The following RBM20 variants were observed in gnomAD, a reference collection of about 807,000 sequenced individuals.
The protein encoded by RBM20 is RNA-binding protein 20.
A neutral mutation model predicts 110.1 loss-of-function variants in RBM20; 51 were observed. That is an observed-to-expected ratio of 0.46 (90% CI 0.37 to 0.59). RBM20 has a LOEUF of 0.59. RBM20 is among the 20% of genes least tolerant of loss of function. RBM20 has a pLI of 0.00. For missense variants in RBM20, 1,512 were observed against 1,574.9 expected, an observed-to-expected ratio of 0.96 and a Z score of 0.68; for synonymous variants, 589 against 618.2, an observed-to-expected ratio of 0.95 and a Z score of 0.70.
chr10:110,662,948 C>T (rs1009167165), intron 1 of RBM20, among the ~76,000 whole-genome samples: 1 of 151,938 alleles, frequency 6.6e-6, no homozygotes, highest in Non-Finnish European at 1.5e-5. Flanking sequence ...TATTCACCTT[C>T]CTCTCACCCT....
intron 5 of RBM20, among the ~76,000 whole-genome samples, chr10:110,789,643 T>A (rs1844460663): frequency 6.6e-6 from 1 of 151,880 alleles, no homozygotes; most frequent in African/African-American, 2.4e-5. Context: ...AGACAGGGTG[T>A]CGCCATGTTG....
chr10:110,796,332 T>C (rs1418776463), intron 5 of RBM20, among the ~76,000 whole-genome samples: 1 of 152,270 alleles, frequency 6.6e-6, no homozygotes, highest in East Asian at 1.9e-4. Flanking sequence ...GAGACCAGTA[T>C]AATTAATCCT....
At chr10:110,655,614 C>T (rs1401781594) in intron 1 of RBM20, among the ~76,000 whole-genome samples, 1 of 152,174 alleles carries the variant, frequency 6.6e-6, no homozygotes, top group Non-Finnish European at 1.5e-5. Flanking sequence ...AAAAGGAATT[C>T]CTGACTTGAA....
At chr10:110,780,501 G>T (rs74158132) in intron 1 of RBM20, among the ~76,000 whole-genome samples, 3 of 152,052 alleles carry the variant, frequency 2.0e-5, no homozygotes, top group Non-Finnish European at 4.4e-5. Context: ...TCTCCAACAC[G>T]GAGTGCCATT....
chr10:110,764,708 T>C (rs1023757828), intron 1 of RBM20, among the ~76,000 whole-genome samples: 8 of 152,176 alleles, frequency 5.3e-5, no homozygotes, highest in Non-Finnish European at 1.2e-4. Flanking sequence ...TGCAGAAAGC[T>C]GGTAGAATGT....
At chr10:110,680,851 A>T (rs1399884281) in intron 1 of RBM20, among the ~76,000 whole-genome samples, 3 of 151,910 alleles carry the variant, frequency 2.0e-5, no homozygotes, top group Non-Finnish European at 4.4e-5. Context: ...CTGCACCTCC[A>T]TATTTCCTTC....
intron 1 of RBM20, among the ~76,000 whole-genome samples, chr10:110,746,864 C>T (rs912979322): frequency 6.6e-6 from 1 of 152,212 alleles, no homozygotes; most frequent in Non-Finnish European, 1.5e-5. Flanking sequence ...AAATTGTTTG[C>T]ATACTCATGA....
At position 110,797,522 on chromosome 10, in the gene RBM20, A is replaced by G. The variant is rs1463897410; in HGVS notation, c.1542A>G (p.Lys514=). Residue 514 remains lysine (K), a synonymous_variant, in exon 6 of 14, where the codon AAA becomes AAG. Coordinates refer to ENST00000369519, the MANE Select transcript of RBM20 (RefSeq NM_001134363.3). The stretch of plus-strand genomic sequence containing the variant: ...GTTCCCATTAGTTTGCACAGCGGAA[A>G]GGGGCTGGCCGTGTGGTGCACATCT... The part of the protein sequence containing the change: ...ASVGTTFAQR[K]GAGRVVHICN... 15 of 1,551,210 alleles carry G rather than the reference A, an allele frequency of 9.7e-6. No homozygotes were observed. The East Asian group carries it at 3.4e-4, about 35-fold the overall frequency.
At chr10:110,720,141 C>T (rs558132008) in intron 1 of RBM20, among the ~76,000 whole-genome samples, 11 of 152,294 alleles carry the variant, frequency 7.2e-5, no homozygotes, top group Non-Finnish European at 1.6e-4. Flanking sequence ...CTCCTGATAC[C>T]ATCACAATGC....
chr10:110,794,524 T>A (rs1479721285), intron 5 of RBM20, among the ~76,000 whole-genome samples: 1 of 152,248 alleles, frequency 6.6e-6, no homozygotes, highest in Non-Finnish European at 1.5e-5. Context: ...CTACTCATGA[T>A]CACTGGAGGA....
chr10:110,751,243 T>C (rs1843849846), intron 1 of RBM20, among the ~76,000 whole-genome samples: 1 of 152,170 alleles, frequency 6.6e-6, no homozygotes, highest in Non-Finnish European at 1.5e-5. Flanking sequence ...GACAAGAAAG[T>C]CTGAGTGGAA....
chr10:110,760,181 C>T (rs989172459), intron 1 of RBM20, among the ~76,000 whole-genome samples: 6 of 152,212 alleles, frequency 3.9e-5, no homozygotes, highest in Admixed American at 3.3e-4. Context: ...CTTCCCAGAA[C>T]ATAAGTGTGA....
chr10:110,653,779 C>T (rs574700562), intron 1 of RBM20, among the ~76,000 whole-genome samples: 1 of 152,182 alleles, frequency 6.6e-6, no homozygotes, highest in African/African-American at 2.4e-5. Flanking sequence ...TGGTCTCGAA[C>T]TCCTGGACTT....
chr10:110,767,236 G>A (rs1469432797), intron 1 of RBM20, among the ~76,000 whole-genome samples: 2 of 135,642 alleles, frequency 1.5e-5, no homozygotes, highest in African/African-American at 2.7e-5. Flanking sequence ...CCTCCCTCCC[G>A]GACGGGGTGG....
chr10:110,687,656 A>C (rs1862524380), intron 1 of RBM20, among the ~76,000 whole-genome samples: 1 of 152,238 alleles, frequency 6.6e-6, no homozygotes, highest in South Asian at 2.1e-4. Context: ...TTGAGCTGGA[A>C]GTCTCTGTTC....
At chr10:110,708,766 G>T (rs1256220038) in intron 1 of RBM20, among the ~76,000 whole-genome samples, 1 of 152,164 alleles carries the variant, frequency 6.6e-6, no homozygotes, top group Non-Finnish European at 1.5e-5. Context: ...TCTGTTCATT[G>T]TTTCCCATTC....
chr10:110,694,831 G>A (rs769757429), intron 1 of RBM20, among the ~76,000 whole-genome samples: 10 of 152,116 alleles, frequency 6.6e-5, no homozygotes, highest in Non-Finnish European at 1.5e-5. Flanking sequence ...CTCCAGAGTT[G>A]TAACAATTTT....
intron 1 of RBM20, among the ~76,000 whole-genome samples, chr10:110,652,845 A>T (rs1460067788): frequency 6.6e-6 from 1 of 152,260 alleles, no homozygotes; most frequent in South Asian, 2.1e-4. Flanking sequence ...GCCTTAGTCT[A>T]CTCACTTCCC....
At chr10:110,818,837 G>A (rs1005409895) in intron 9 of RBM20, among the ~76,000 whole-genome samples, 1 of 152,254 alleles carries the variant, frequency 6.6e-6, no homozygotes, top group African/African-American at 2.4e-5. Flanking sequence ...AAAGTCACCT[G>A]TTGGTAGAAG....
Sources: allele counts gnomAD v4.1 joint callset (sites outside exome capture counted in the v4.1 genomes callset), GRCh38; gene constraint gnomAD v4.1.1; transcripts MANE v1.5; gene names NCBI Gene and HGNC (gene_info 2026-07-23, HGNC 2026-07-21).